Variants in BMPR2 observed in about 807,000 individuals in gnomAD.
BMPR2 encodes bone morphogenetic protein receptor type 2, also known as bone morphogenetic protein receptor type-2.
In BMPR2, 29 loss-of-function variants were observed where a neutral mutation model predicts 100.8. The observed-to-expected ratio is 0.29, with a 90% CI of 0.21 to 0.39. The LOEUF is 0.39. BMPR2 is among the 10% of genes least tolerant of loss of function. BMPR2 has a pLI of 1.00. For missense variants in BMPR2, 1,011 were observed against 1,274.5 expected (o/e 0.79, Z 3.15); for synonymous variants, 382 against 442.3 (o/e 0.86, Z 1.71).
chr2:202,485,270 A>G (rs1692749509), intron 3 of BMPR2, among the ~76,000 whole-genome samples: 2 of 152,084 alleles, frequency 1.3e-5, no homozygotes, highest in African/African-American at 4.8e-5. Context: ...TAGGGTTGCC[A>G]TAATAAATTA....
intron 1 of BMPR2, among the ~76,000 whole-genome samples, chr2:202,448,056 G>A (rs1691888840): frequency 6.7e-6 from 1 of 150,242 alleles, no homozygotes. Flanking sequence ...ACACCTTAAG[G>A]GTAGGTGGGC....
At chr2:202,414,782 C>T (rs891493016) in intron 1 of BMPR2, among the ~76,000 whole-genome samples, 8 of 152,104 alleles carry the variant, frequency 5.3e-5, no homozygotes, top group Admixed American at 5.2e-4. Flanking sequence ...CTCTGTCGCC[C>T]AGGCTGGAGT....
At chr2:202,389,765 C>T (rs889528989) in intron 1 of BMPR2, among the ~76,000 whole-genome samples, 5 of 151,512 alleles carry the variant, frequency 3.3e-5, no homozygotes, top group Non-Finnish European at 7.4e-5. Context: ...CCTCAGCCTC[C>T]CGAGTAGCTG....
At chr2:202,445,824 G>A (rs1411020883) in intron 1 of BMPR2, among the ~76,000 whole-genome samples, 1 of 144,856 alleles carries the variant, frequency 6.9e-6, no homozygotes, top group Admixed American at 6.9e-5. Flanking sequence ...GCCCAGGCTG[G>A]AGTGCAGTGG....
intron 1 of BMPR2, among the ~76,000 whole-genome samples, chr2:202,397,772 T>C (rs896882259): frequency 2.0e-5 from 3 of 151,092 alleles, no homozygotes; most frequent in African/African-American, 7.3e-5. Flanking sequence ...AGTGCTGGGA[T>C]TATAGACGTG....
At chr2:202,542,035 C>T (rs532878837) in intron 9 of BMPR2, among the ~76,000 whole-genome samples, 7 of 151,380 alleles carry the variant, frequency 4.6e-5, no homozygotes, top group Admixed American at 1.3e-4. Context: ...CACTTGAACC[C>T]GGGAGGCAGA....
chr2:202,500,723 C>T (rs1335631818), intron 3 of BMPR2, among the ~76,000 whole-genome samples: 2 of 152,208 alleles, frequency 1.3e-5, no homozygotes, highest in African/African-American at 4.8e-5. Flanking sequence ...AGTGCAAGAT[C>T]TTAGACTCAT....
chr2:202,484,984 A>AAG (rs1692743747), intron 3 of BMPR2, among the ~76,000 whole-genome samples: 3 of 150,102 alleles, frequency 2.0e-5, no homozygotes, highest in South Asian at 2.1e-4. Context: ...AAAAAAAAAA[A>AAG]AAAAGAAAGA....
At chr2:202,484,615 G>C (rs1026388656) in intron 3 of BMPR2, among the ~76,000 whole-genome samples, 1 of 151,532 alleles carries the variant, frequency 6.6e-6, no homozygotes, top group African/African-American at 2.4e-5. Context: ...GGAGGTTGCA[G>C]TGAGCCGAGA....
At position 202,448,960 on chromosome 2, in the gene BMPR2, TG is replaced by T. The variant is rs1402523604; in HGVS notation, c.77-15848del. ...GTGTGTGTGTGTGTGTGTGTGTGTG[TG>T]TATTTTTTGTTTTAATCAGCTTTTG... On this transcript the variant is annotated intron_variant, in intron 1 of 12. Transcript: ENST00000374580. 8.9e-4 allele frequency among the ~76,000 whole-genome samples: 134 copies of T among 151,130 alleles called. 1 individual carries two copies. The East Asian group carries it at 0.011, about 13-fold the overall frequency.
chr2:202,417,499 C>T (rs1054785476), intron 1 of BMPR2, among the ~76,000 whole-genome samples: 1 of 151,678 alleles, frequency 6.6e-6, no homozygotes, highest in Non-Finnish European at 1.5e-5. Context: ...GACAGGGTTT[C>T]TCCATGTTGG....
chr2:202,508,197 A>G (rs1161200249), intron 3 of BMPR2, among the ~76,000 whole-genome samples: 1 of 151,310 alleles, frequency 6.6e-6, no homozygotes, highest in Non-Finnish European at 1.5e-5. Flanking sequence ...GGTTCAAGCG[A>G]TTCTTCTGCC....
chr2:202,383,475 G>A (rs1217007196), intron 1 of BMPR2, among the ~76,000 whole-genome samples: 22 of 152,218 alleles, frequency 1.4e-4, no homozygotes, highest in Non-Finnish European at 1.8e-4. Flanking sequence ...GAAGTCAGGA[G>A]TTCGAGACCA....
intron 1 of BMPR2, among the ~76,000 whole-genome samples, chr2:202,418,482 T>C (rs1198586633): frequency 1.3e-5 from 2 of 152,224 alleles, no homozygotes; most frequent in Non-Finnish European, 2.9e-5. Context: ...CAAGGGCCCA[T>C]GACACAGCCC....
intron 7 of BMPR2, among the ~76,000 whole-genome samples, chr2:202,522,174 C>A (rs79033902): frequency 0.035 from 5,244 of 148,654 alleles, 302 homozygotes; most frequent in African/African-American, 0.12. Flanking sequence ...AACAAAAAAA[C>A]GAAAGAAAAA....
At position 202,513,711 on chromosome 2, in the gene BMPR2, T is replaced by A; in HGVS notation, c.419-8T>A. ...AAAAATGACATTTCAAAATTTGTTT[T>A]CTTTTAGGTCCACCTCATTCATTTA... On this transcript the variant is annotated splice_polypyrimidine_tract_variant and splice_region_variant and intron_variant, in intron 3 of 12. Transcript: ENST00000374580. 1 of 1,609,196 alleles carries A rather than the reference T, an allele frequency of 6.2e-7. No individual in the cohort carries two copies. The highest frequency in any genetic ancestry group is 1.1e-5 in the South Asian group (1 of 90,840).
rs533058026 is a variant in BMPR2 at position 202,442,410 on chromosome 2, C to T, written c.77-22399C>T. Among the ~76,000 whole-genome samples, 6 of 150,466 alleles carry T rather than the reference C, an allele frequency of 4.0e-5. 1 individual carries two copies. The highest frequency in any genetic ancestry group is 2.1e-4 in the South Asian group (1 of 4,820). ...ACTTCATGGTTCATCCATGTTTTAGCGTATATCGGTACTTCCTTTCTTTTT... is the reference window on the plus strand; with the variant it reads ...ACTTCATGGTTCATCCATGTTTTAGTGTATATCGGTACTTCCTTTCTTTTT... On this transcript the variant is annotated intron_variant, in intron 1 of 12. Coordinates refer to ENST00000374580, the MANE Select transcript of BMPR2 (RefSeq NM_001204.7).
At chr2:202,498,029 A>G (rs1226702702) in intron 3 of BMPR2, among the ~76,000 whole-genome samples, 1 of 151,984 alleles carries the variant, frequency 6.6e-6, no homozygotes, top group East Asian at 1.9e-4. Flanking sequence ...TCCTATTCAT[A>G]TAAGTGAGGA....
intron 3 of BMPR2, among the ~76,000 whole-genome samples, chr2:202,480,054 AG>A (rs1480331735): frequency 6.6e-6 from 1 of 152,024 alleles, no homozygotes; most frequent in Admixed American, 6.6e-5. Context: ...GTATTCTTTG[AG>A]GTACATAGTT....
Sources: gnomAD v4.1 joint callset for allele counts (sites outside exome capture counted in the v4.1 genomes callset) on GRCh38, gnomAD v4.1.1 for gene constraint, MANE v1.5 for transcripts, NCBI Gene and HGNC (gene_info 2026-07-23, HGNC 2026-07-21) for gene names.